Variants in CBLN2 observed in about 807,000 individuals in gnomAD.
The protein encoded by CBLN2 is cerebellin-2.
Under a neutral mutation model 15.0 loss-of-function variants are expected in CBLN2, and 7 were observed. That is an observed-to-expected ratio of 0.47 (90% CI 0.27 to 0.88). CBLN2 has a LOEUF of 0.88. CBLN2 is among the 40% of genes least tolerant of loss of function. The pLI is 0.14. For missense variants in CBLN2, 242 were observed against 304.5 expected, an observed-to-expected ratio of 0.79 and a Z score of 1.53; for synonymous variants, 149 against 135.2, an observed-to-expected ratio of 1.10 and a Z score of -0.71.
At chr18:72,626,550 A>C (rs1393948314) in intron 1 of CBLN2, among the ~76,000 whole-genome samples, 1 of 152,068 alleles carries the variant, frequency 6.6e-6, no homozygotes, top group African/African-American at 2.4e-5. Context: ...AAATGCAAAA[A>C]TTAGCTGGGC....
chr18:72,560,791 G>A (rs375924782), intron 1 of CBLN2, among the ~76,000 whole-genome samples: 7 of 152,206 alleles, frequency 4.6e-5, no homozygotes, highest in Admixed American at 2.0e-4. Context: ...GGCGGATCAC[G>A]AGGTCAGGAG....
chr18:72,618,717 A>C, intron 1 of CBLN2: 1 of 720,436 alleles, frequency 1.4e-6, no homozygotes, highest in East Asian at 2.8e-5. Flanking sequence ...TTGCCTTCAT[A>C]ATCTTTGATG....
At chr18:72,593,523 G>A (rs1407995648) in intron 1 of CBLN2, among the ~76,000 whole-genome samples, 1 of 152,108 alleles carries the variant, frequency 6.6e-6, no homozygotes, top group African/African-American at 2.4e-5. Context: ...TGTGATTGCT[G>A]TAGGTGGGAC....
chr18:72,553,741 G>T (rs921368819), intron 1 of CBLN2, among the ~76,000 whole-genome samples: 1 of 152,086 alleles, frequency 6.6e-6, no homozygotes, highest in Admixed American at 6.5e-5. Context: ...GGGAAACCGT[G>T]GAGCAATGAA....
Position 72,595,285 on chromosome 18 carries a change from C to A in CBLN2, c.15+43040G>T, listed in dbSNP as rs543546304. Among the ~76,000 whole-genome samples the A allele has an allele frequency of 1.5e-3, 234 of 152,002 alleles. 1 individual carries two copies. The highest frequency in any genetic ancestry group is 2.8e-3 in the Non-Finnish European group (189 of 67,956). The stretch of plus-strand genomic sequence containing the variant: ...ATTTCTGTCTTAATTTTTTTATTGA[C>A]AACTGGTCATTCAGGAGCATATTCT... On this transcript the variant is annotated intron_variant, in intron 1 of 2. Transcript: ENST00000581073.
intron 1 of CBLN2, among the ~76,000 whole-genome samples, chr18:72,637,611 T>A (rs1468092869): frequency 6.6e-6 from 1 of 152,174 alleles, no homozygotes; most frequent in Non-Finnish European, 1.5e-5. Flanking sequence ...CCGAGTTATG[T>A]GCTATTTTCC....
At chr18:72,580,305 T>C (rs189149956) in intron 1 of CBLN2, among the ~76,000 whole-genome samples, 1 of 152,260 alleles carries the variant, frequency 6.6e-6, no homozygotes, top group East Asian at 1.9e-4. Flanking sequence ...AAATACTAAC[T>C]CATGCCAAAA....
intron 1 of CBLN2, among the ~76,000 whole-genome samples, chr18:72,560,176 G>A (rs1292651597): frequency 6.6e-6 from 1 of 152,192 alleles, no homozygotes. Flanking sequence ...AGATCCAGCT[G>A]CTCCTGCCCC....
intron 1 of CBLN2, among the ~76,000 whole-genome samples, chr18:72,625,492 G>T (rs1599028932): frequency 6.6e-6 from 1 of 151,520 alleles, no homozygotes; most frequent in Non-Finnish European, 1.5e-5. Flanking sequence ...CTAGGAGTGG[G>T]TCAACCATGA....
chr18:72,625,816 C>CTATA (rs1330243296), intron 1 of CBLN2, among the ~76,000 whole-genome samples: 549 of 61,578 alleles, frequency 8.9e-3, no homozygotes, highest in Middle Eastern at 0.012. Flanking sequence ...CTCTCTCTCT[C>CTATA]TCTATATATA....
intron 1 of CBLN2, among the ~76,000 whole-genome samples, chr18:72,587,994 A>G (rs562889077): frequency 3.9e-5 from 6 of 152,334 alleles, no homozygotes; most frequent in African/African-American, 1.4e-4. Context: ...TCTTATAATA[A>G]TTATCATAGA....
intron 1 of CBLN2, among the ~76,000 whole-genome samples, chr18:72,549,347 GC>G (rs1201256283): frequency 6.6e-6 from 1 of 152,212 alleles, no homozygotes; most frequent in Non-Finnish European, 1.5e-5. Flanking sequence ...TGCTGATGCT[GC>G]TGGTCTATAG....
chr18:72,628,325 G>A (rs571037687), intron 1 of CBLN2, among the ~76,000 whole-genome samples: 10 of 152,328 alleles, frequency 6.6e-5, no homozygotes, highest in African/African-American at 2.4e-4. Flanking sequence ...CTCTGCACTG[G>A]AGTTTAGTAC....
chr18:72,541,650 G>A (rs1256787275), intron 3 of CBLN2, among the ~76,000 whole-genome samples, 154 bp downstream of exon 3: 4 of 152,278 alleles, frequency 2.6e-5, no homozygotes, highest in Non-Finnish European at 5.9e-5. Context: ...GTAGGAGTGC[G>A]TTCTATGAAA....
chr18:72,547,200 T>C (rs368189669), upstream of CBLN2, among the ~76,000 whole-genome samples: 1 of 152,000 alleles, frequency 6.6e-6, no homozygotes, highest in East Asian at 1.9e-4. Context: ...AATCATGTCT[T>C]TTGCAGCGAC....
At chr18:72,593,491 T>G (rs1011422308) in intron 1 of CBLN2, among the ~76,000 whole-genome samples, 5 of 152,202 alleles carry the variant, frequency 3.3e-5, no homozygotes, top group Non-Finnish European at 5.9e-5. Flanking sequence ...CCAGTTTAGA[T>G]GTACTCTGTT....
intron 1 of CBLN2, among the ~76,000 whole-genome samples, chr18:72,636,004 T>C (rs527977964): frequency 2.6e-5 from 4 of 152,198 alleles, no homozygotes; most frequent in Non-Finnish European, 5.9e-5. Context: ...AAATATGTTA[T>C]TTATTTTTAA....
chr18:72,583,994 C>A (rs564695585), intron 1 of CBLN2, among the ~76,000 whole-genome samples: 1 of 152,336 alleles, frequency 6.6e-6, no homozygotes, highest in Admixed American at 6.5e-5. Context: ...TGCATCGTCA[C>A]TTTGTTATCA....
intron 1 of CBLN2, among the ~76,000 whole-genome samples, chr18:72,577,046 A>G (rs1310825758): frequency 6.8e-6 from 1 of 147,952 alleles, no homozygotes; most frequent in South Asian, 2.1e-4. Flanking sequence ...TAAATTATAT[A>G]TATATAAATG....
Sources: allele counts gnomAD v4.1 joint callset (sites outside exome capture counted in the v4.1 genomes callset), GRCh38; gene constraint gnomAD v4.1.1; transcripts MANE v1.5; gene names NCBI Gene and HGNC (gene_info 2026-07-23, HGNC 2026-07-21).